INTS8: variants seen among roughly 807,000 people sequenced by gnomAD.
The protein encoded by INTS8 is integrator complex subunit 8.
In INTS8, 47 loss-of-function variants were observed where a neutral mutation model predicts 138.9. That is an observed-to-expected ratio of 0.34 (90% CI 0.27 to 0.43). The LOEUF (loss-of-function observed/expected upper bound fraction) is 0.43. Ranked by LOEUF, INTS8 falls within the 20% of genes least tolerant of loss-of-function variation. INTS8 has a pLI of 1.00. For synonymous variants in INTS8, 392 were observed against 400.9 expected (o/e 0.98, Z 0.27); for missense variants, 996 against 1,173.0 (o/e 0.85, Z 2.20).
chr8:94,842,298 TC>T (rs773577075), intron 9 of INTS8, 48 bp from the exon 10 acceptor site: 1 of 1,296,092 alleles, frequency 7.7e-7, no homozygotes, highest in Admixed American at 2.2e-5. Context: ...TATACACCTT[TC>T]TTTTGTAGTA....
At chr8:94,873,609 T>C in intron 22 of INTS8, 132 bp downstream of exon 22, 4 of 655,388 alleles carry the variant, frequency 6.1e-6, no homozygotes, top group Non-Finnish European at 1.1e-5. Flanking sequence ...CTAGAACACA[T>C]TGCTCTGTGT....
chr8:94,831,981 G>T lies in INTS8; in HGVS notation c.571-11G>T. 6.4e-7 allele frequency: 1 copy of T among 1,566,504 alleles called. No individual in the cohort carries two copies. On this transcript the variant is annotated splice_polypyrimidine_tract_variant and intron_variant, in intron 5 of 26. Transcript: ENST00000523731. ...ATTTTTGTATTTTTATTTGTTTATT[G>T]ATTTCTGTAGCTCAAAGAACAAGCT...
chr8:94,840,356 A>T (rs1172420137), intron 8 of INTS8, among the ~76,000 whole-genome samples: 1 of 152,070 alleles, frequency 6.6e-6, no homozygotes, highest in Non-Finnish European at 1.5e-5. Context: ...TGATTAGTTT[A>T]ATTTTCAGAT....
At chr8:94,857,083 T>C in intron 15 of INTS8, 105 bp downstream of exon 15, 1 of 944,234 alleles carries the variant, frequency 1.1e-6, no homozygotes, top group East Asian at 2.6e-5. Context: ...TTTTTTTTTT[T>C]TTTTTTTGAG....
chr8:94,856,737 A>G (rs1286954777), intron 14 of INTS8, 40 bp from the exon 15 acceptor site: 1 of 1,575,770 alleles, frequency 6.3e-7, no homozygotes, highest in Non-Finnish European at 8.7e-7. Context: ...TTTTGGCGCC[A>G]AAGGAAAGGT....
chr8:94,873,607 C>CATTGCTCTGTGT (rs1399135999), intron 22 of INTS8, 130 bp downstream of exon 22: 12 of 662,330 alleles, frequency 1.8e-5, no homozygotes, highest in Admixed American at 5.2e-5. Flanking sequence ...CTCTAGAACA[C>CATTGCTCTGTGT]ATTGCTCTGT....
intron 20 of INTS8, among the ~76,000 whole-genome samples, chr8:94,868,405 G>A (rs1240609662): frequency 6.6e-6 from 1 of 152,142 alleles, no homozygotes; most frequent in Non-Finnish European, 1.5e-5. Context: ...TAAAGAATTT[G>A]TTTCCGTCTC....
chr8:94,827,330 A>G lies in INTS8; in HGVS notation c.373A>G (p.Thr125Ala). Reference protein sequence around the residue: ...LLCISKVPPGTKHVDMDLATL... With the variant: ...LLCISKVPPGAKHVDMDLATL... ...CTGCATCAGTAAAGTTCCTCCTGGG[A>G]CAAAGCATGTAGACATGGATCTGGC... The change falls in exon 3 of 27, where the codon ACA becomes GCA. Residue 125 changes from threonine (T) to alanine (A), a missense_variant. Physicochemically the swap from Thr to Ala is moderately conservative, Grantham distance 58. Coordinates refer to ENST00000523731, the MANE Select transcript of INTS8 (RefSeq NM_017864.4). 6.2e-7 allele frequency: 1 copy of G among 1,613,856 alleles called. No individual in the cohort carries two copies. The highest frequency in any genetic ancestry group is 8.5e-7 in the Non-Finnish European group (1 of 1,179,678).
At chr8:94,843,256 C>CG (rs1386994386) in intron 10 of INTS8, among the ~76,000 whole-genome samples, 7 of 152,086 alleles carry the variant, frequency 4.6e-5, no homozygotes, top group Admixed American at 6.6e-5. Context: ...ATATAAATAA[C>CG]AATTTTTTTC....
At chr8:94,824,784 T>TTACCC in intron 1 of INTS8, 109 bp from the exon 2 acceptor site, 1 of 60,920 alleles carries the variant, frequency 1.6e-5, no homozygotes, top group Non-Finnish European at 2.9e-5. Flanking sequence ...AAACCCAAAC[T>TTACCC]CCCCCCCCCC....
rs1586464569 is a variant in INTS8 at position 94,827,805 on chromosome 8, G to T, written c.518+12G>T. ...CCTCAGTTAAGTGTGTAAGTTGGTG[G>T]CTATGACCTTTACTTGGCACTTTTT... On this transcript the variant is annotated intron_variant, in intron 4 of 26. Coordinates refer to ENST00000523731, the MANE Select transcript of INTS8 (RefSeq NM_017864.4). 1 of 1,605,784 alleles carries T rather than the reference G, an allele frequency of 6.2e-7. No homozygotes were observed. The highest frequency in any genetic ancestry group is 8.5e-7 in the Non-Finnish European group (1 of 1,173,760).
intron 15 of INTS8, among the ~76,000 whole-genome samples, chr8:94,857,533 T>C (rs1178239786): frequency 2.0e-5 from 3 of 152,206 alleles, no homozygotes; most frequent in African/African-American, 7.2e-5. Flanking sequence ...ATAAATATAT[T>C]ATCTCCCAGT....
intron 26 of INTS8, among the ~76,000 whole-genome samples, chr8:94,877,445 T>C (rs1165042561): frequency 1.3e-5 from 2 of 152,132 alleles, no homozygotes; most frequent in African/African-American, 4.8e-5. Context: ...TTGGAGGCAA[T>C]TCATTCTCCC....
chr8:94,876,335 T>G (rs947506134), intron 25 of INTS8, 50 bp downstream of exon 25: 6 of 1,489,980 alleles, frequency 4.0e-6, no homozygotes, highest in African/African-American at 1.4e-5. Context: ...TTTTTATAAA[T>G]TAAAGGAATA....
chr8:94,853,771 G>T, intron 13 of INTS8, 34 bp from the exon 14 acceptor site: 1 of 1,213,008 alleles, frequency 8.2e-7, no homozygotes, highest in Admixed American at 1.7e-5. Context: ...TCCTCTATGT[G>T]TGCATATATA....
At chr8:94,859,913 C>T (rs1815890594) in intron 16 of INTS8, 1 of 307,592 alleles carries the variant, frequency 3.3e-6, no homozygotes, top group African/African-American at 2.1e-5. Context: ...GATTCGCTTT[C>T]TTTGCTTTGG....
chr8:94,873,322 CCT>C, intron 21 of INTS8, 50 bp from the exon 22 acceptor site: 2 of 1,211,802 alleles, frequency 1.7e-6, no homozygotes, highest in Non-Finnish European at 1.2e-6. Flanking sequence ...CAAAGGAATC[CCT>C]GTTTTTCAAC....
At chr8:94,833,875 A>T (rs1376132414) in intron 6 of INTS8, among the ~76,000 whole-genome samples, 3 of 152,028 alleles carry the variant, frequency 2.0e-5, no homozygotes, top group African/African-American at 7.2e-5. Context: ...AGGTTCAAGC[A>T]ATTCTCCTGC....
chr8:94,834,243 T>C (rs1389026709), intron 6 of INTS8, among the ~76,000 whole-genome samples: 1 of 152,162 alleles, frequency 6.6e-6, no homozygotes, highest in Non-Finnish European at 1.5e-5. Context: ...AAACTCATTG[T>C]AATGGCTAGT....
Sources: allele counts gnomAD v4.1 joint callset (sites outside exome capture counted in the v4.1 genomes callset), GRCh38; gene constraint gnomAD v4.1.1; transcripts MANE v1.5; gene names NCBI Gene and HGNC (gene_info 2026-07-23, HGNC 2026-07-21).